Variants in B3GAT2 observed in about 807,000 individuals in gnomAD.
B3GAT2 encodes beta-1,3-glucuronyltransferase 2.
In B3GAT2, 26 loss-of-function variants were observed where a neutral mutation model predicts 27.8. That is an observed-to-expected ratio of 0.93 (90% CI 0.68 to 1.30). The LOEUF (loss-of-function observed/expected upper bound fraction) is 1.30, where lower values mean the gene tolerates loss of function less well. Ranked by LOEUF, B3GAT2 falls within the 50% of genes most tolerant of loss-of-function variation. The pLI is 0.00. For missense variants in B3GAT2, 458 were observed against 459.0 expected, an observed-to-expected ratio of 1.00 and a Z score of 0.02; for synonymous variants, 218 against 195.1, an observed-to-expected ratio of 1.12 and a Z score of -0.98.
chr6:70,866,427 G>A (rs1471902291), intron 2 of B3GAT2, among the ~76,000 whole-genome samples: 8 of 152,130 alleles, frequency 5.3e-5, no homozygotes, highest in African/African-American at 1.9e-4. Context: ...ACATATATAT[G>A]TGTTTTTATG....
chr6:70,930,841 C>T (rs1773050190), intron 1 of B3GAT2, among the ~76,000 whole-genome samples: 1 of 152,148 alleles, frequency 6.6e-6, no homozygotes, highest in South Asian at 2.1e-4. Flanking sequence ...TGGTTATATA[C>T]CCAAAGGATT....
intron 2 of B3GAT2, among the ~76,000 whole-genome samples, chr6:70,884,860 G>A (rs145527840): frequency 8.5e-5 from 13 of 152,354 alleles, no homozygotes; most frequent in African/African-American, 2.9e-4. Context: ...GAACTGATGT[G>A]CAGAGTGTTT....
In B3GAT2 at chr6:70,859,528, C is replaced by T. The variant is rs1431472907; in HGVS notation, c.*2135G>A. ...CAAGTCAAATGTATTAAATTAAGAA[C>T]ACAGTCTAACTCTGAGTGTAAGTTT... On this transcript the variant is annotated 3_prime_UTR_variant, in exon 4 of 4. Transcript: ENST00000230053. 1 of 684,584 alleles carries T rather than the reference C, an allele frequency of 1.5e-6. No homozygotes were observed. The highest frequency in any genetic ancestry group is 2.1e-5 in the South Asian group (1 of 48,052). 42.4% of individuals were successfully genotyped at this position (684,584 alleles called of 1,614,324 possible).
chr6:70,909,104 C>G (rs1015465697), intron 1 of B3GAT2, among the ~76,000 whole-genome samples: 1 of 152,058 alleles, frequency 6.6e-6, no homozygotes, highest in Admixed American at 6.6e-5. Context: ...GAAAGAAAAT[C>G]TAATTCAGAA....
At chr6:70,902,938 T>C (rs1772531362) in intron 1 of B3GAT2, among the ~76,000 whole-genome samples, 1 of 151,880 alleles carries the variant, frequency 6.6e-6, no homozygotes. Context: ...AATTTTTACT[T>C]AGAAGGAATA....
intron 3 of B3GAT2, 39 bp downstream of exon 3, chr6:70,861,791 G>A: frequency 1.9e-6 from 3 of 1,613,994 alleles, no homozygotes; most frequent in Non-Finnish European, 2.5e-6. Context: ...ACTCTTCATG[G>A]TGACACTCGA....
chr6:70,860,855 T>C lies in B3GAT2; in HGVS notation c.*808A>G, dbSNP rs1291083808. On this transcript the variant is annotated 3_prime_UTR_variant, in exon 4 of 4. Transcript: ENST00000230053. The stretch of plus-strand genomic sequence containing the variant: ...TCACTGTGCTGTTGTTATGATGTGC[T>C]TAACAGGGAACGTGATTAGTGAAAG... The C allele has an allele frequency of 5.1e-6, 2 of 395,064 alleles. No individual in the cohort carries two copies. The highest frequency in any genetic ancestry group is 8.9e-6 in the Non-Finnish European group (2 of 223,896). The allele number at this position is 395,064 out of a possible 1,614,324, so 24.5% of individuals were successfully genotyped here.
In B3GAT2 at chr6:70,911,386, G is replaced by A. The variant is rs528523957; in HGVS notation, c.592-17114C>T. Among the ~76,000 whole-genome samples, 96 of 152,206 alleles carry A rather than the reference G, an allele frequency of 6.3e-4. 2 individuals carry two copies. The highest frequency in any genetic ancestry group is 1.2e-3 in the South Asian group (6 of 4,826). On this transcript the variant is annotated intron_variant, in intron 1 of 3. Transcript: ENST00000230053. The stretch of plus-strand genomic sequence containing the variant: ...CTGCATATGGGTAGCGATCCATCCC[G>A]AATCACTTATTGACTAGCAGGTCCT...
Position 70,857,773 on chromosome 6 carries a change from G to A in B3GAT2, c.*3890C>T. ...AACAACCAGCTCTCAGGGTTTAGGT[G>A]TGGGTTGGTCTGAGTAGTAGGAGCA... is the stretch of plus-strand genomic sequence containing the variant. On this transcript the variant is annotated 3_prime_UTR_variant, in exon 4 of 4. Transcript: ENST00000230053. 2.9e-6 allele frequency: 2 copies of A among 699,784 alleles called. No homozygotes were observed. The highest frequency in any genetic ancestry group is 4.7e-6 in the Non-Finnish European group (2 of 424,432). The allele number at this position is 699,784 out of a possible 1,614,324, so 43.3% of individuals were successfully genotyped here.
chr6:70,937,658 A>T (rs1765314551), intron 1 of B3GAT2, among the ~76,000 whole-genome samples: 1 of 151,824 alleles, frequency 6.6e-6, no homozygotes, highest in Non-Finnish European at 1.5e-5. Flanking sequence ...AAACCACATG[A>T]TTATCTCAAT....
chr6:70,951,023 A>G (rs1212472916), intron 1 of B3GAT2, among the ~76,000 whole-genome samples: 1 of 152,192 alleles, frequency 6.6e-6, no homozygotes, highest in East Asian at 1.9e-4. Context: ...TACTGGTATA[A>G]CAATTTTATT....
chr6:70,906,565 C>T (rs12525592), intron 1 of B3GAT2, among the ~76,000 whole-genome samples: 1,865 of 152,218 alleles, frequency 0.012, 23 homozygotes, highest in Middle Eastern at 0.044. Context: ...GTCTCAAACT[C>T]CTGGGCTCAA....
chr6:70,857,750 C>T lies in B3GAT2; in HGVS notation c.*3913G>A, dbSNP rs577112328. 1.6e-6 allele frequency: 1 copy of T among 622,838 alleles called. No individual in the cohort carries two copies. The highest frequency in any genetic ancestry group is 2.0e-5 in the South Asian group (1 of 49,102). 38.6% of individuals were successfully genotyped at this position (622,838 alleles called of 1,614,324 possible). A position where few individuals can be genotyped will look rare whatever the true frequency, so the allele number is the denominator to read the frequency against. On this transcript the variant is annotated 3_prime_UTR_variant, in exon 4 of 4. Transcript: ENST00000230053. ...AACTGATTTGTCTGCATCCTAGAAA[C>T]AACCAGCTCTCAGGGTTTAGGTGTG...
intron 1 of B3GAT2, among the ~76,000 whole-genome samples, chr6:70,908,845 G>A (rs1217251955): frequency 6.6e-6 from 1 of 152,056 alleles, no homozygotes; most frequent in Non-Finnish European, 1.5e-5. Flanking sequence ...TTCTCCTGGT[G>A]GAAAACATAC....
At chr6:70,889,563 C>T (rs1429453479) in intron 2 of B3GAT2, among the ~76,000 whole-genome samples, 1 of 152,122 alleles carries the variant, frequency 6.6e-6, no homozygotes, top group Non-Finnish European at 1.5e-5. Flanking sequence ...ACCAGGTGCA[C>T]CGCCTTACAC....
chr6:70,881,680 T>A (rs890099271), intron 2 of B3GAT2, among the ~76,000 whole-genome samples: 5 of 152,104 alleles, frequency 3.3e-5, no homozygotes, highest in Non-Finnish European at 7.4e-5. Context: ...CCCCACCTGA[T>A]GTGGGGGCAT....
intron 1 of B3GAT2, among the ~76,000 whole-genome samples, chr6:70,943,477 C>T (rs1318010902): frequency 1.3e-5 from 2 of 152,226 alleles, no homozygotes; most frequent in African/African-American, 4.8e-5. Context: ...GCCTGCTTCA[C>T]ATAATTCTGT....
In B3GAT2 at chr6:70,872,504, CTTT is replaced by C. The variant is rs70990337; in HGVS notation, c.737-10529_737-10527del. 9.9e-3 allele frequency among the ~76,000 whole-genome samples: 1,189 copies of C among 120,064 alleles called. 10 individuals carry two copies. Among genetic ancestry groups the C allele is most frequent in the African/African-American group, 0.033 (1,060 of 31,782 alleles). The allele number at this position is 120,064 out of a possible 152,430, so 78.8% of individuals were successfully genotyped here. On this transcript the variant is annotated intron_variant, in intron 2 of 3. Coordinates refer to ENST00000230053, the MANE Select transcript of B3GAT2 (RefSeq NM_080742.3). ...TGGTGTTCATATAATCATTCCCGTTCTTTTTTTTTTTTTTTTTGGTTCCTGTTA... is the reference window on the plus strand; with the variant it reads ...TGGTGTTCATATAATCATTCCCGTTCTTTTTTTTTTTTTTGGTTCCTGTTA...
At chr6:70,955,655 C>T (rs1009088219) in intron 1 of B3GAT2, among the ~76,000 whole-genome samples, 184 bp downstream of exon 1, 2 of 152,242 alleles carry the variant, frequency 1.3e-5, no homozygotes, top group African/African-American at 4.8e-5. Context: ...CCCTCCACCC[C>T]CACGGCCAGC....
Sources: allele counts gnomAD v4.1 joint callset (sites outside exome capture counted in the v4.1 genomes callset), GRCh38; gene constraint gnomAD v4.1.1; transcripts MANE v1.5; gene names NCBI Gene and HGNC (gene_info 2026-07-23, HGNC 2026-07-21).